The following FARP1 variants were observed in gnomAD, a reference collection of about 807,000 sequenced individuals.
FARP1 encodes the protein FERM, ARHGEF and pleckstrin domain-containing protein 1.
A neutral mutation model predicts 128.8 loss-of-function variants in FARP1; 52 were observed. The observed-to-expected ratio is 0.40, with a 90% CI of 0.32 to 0.51. The LOEUF (loss-of-function observed/expected upper bound fraction) is 0.51, where lower values mean the gene tolerates loss of function less well. Among genes scored for constraint, FARP1 ranks in the 20% least tolerant of loss-of-function variants. FARP1 has a pLI of 0.45. For synonymous variants in FARP1, 580 were observed against 551.8 expected (o/e 1.05, Z -0.72); for missense variants, 1,333 against 1,367.9 (o/e 0.97, Z 0.40).
chr13:98,328,673 C>T (rs1262896851), intron 2 of FARP1: 4 of 152,194 alleles, frequency 2.6e-5, no homozygotes, highest in Admixed American at 6.5e-5. Flanking sequence ...TGACATACCC[C>T]AGTTGCCAGC....
At chr13:98,281,046 A>G (rs1021331982) in intron 2 of FARP1, among the ~76,000 whole-genome samples, 20 of 152,242 alleles carry the variant, frequency 1.3e-4, no homozygotes, top group African/African-American at 2.2e-4. Flanking sequence ...ATATTTATTA[A>G]TAATGGCTAG....
In FARP1 at chr13:98,245,558, A is replaced by G. The variant is rs565106891; in HGVS notation, c.171+32145A>G. Among the ~76,000 whole-genome samples the G allele has an allele frequency of 2.0e-5, 3 of 152,312 alleles. No homozygotes were observed. The South Asian group carries it at 6.2e-4, about 32-fold the overall frequency. ...AAGCCTCCCCCAGTTTTCCTTCCTA[A>G]AGGAAGTGGATGATCAAGCCTGAGC... On this transcript the variant is annotated intron_variant, in intron 2 of 26. Transcript: ENST00000319562.
At chr13:98,215,550 GAC>G (rs1945792255) in intron 2 of FARP1, among the ~76,000 whole-genome samples, 1 of 152,188 alleles carries the variant, frequency 6.6e-6, no homozygotes, top group African/African-American at 2.4e-5. Flanking sequence ...AAAAAGAGGT[GAC>G]ACAAAGTGTT....
chr13:98,439,981 G>A lies in FARP1; in HGVS notation c.2454G>A (p.Glu818=). The A allele has an allele frequency of 1.3e-6, 2 of 1,589,034 alleles. No homozygotes were observed. Among genetic ancestry groups the A allele is most frequent in the Non-Finnish European group, 1.7e-6 (2 of 1,163,814 alleles). Residue 818 remains glutamate, a synonymous_variant, in exon 22 of 27, where the codon GAG becomes GAA. Coordinates refer to ENST00000319562, the MANE Select transcript of FARP1 (RefSeq NM_005766.4). ...YGMTIEESED[E]WGVPHCLTLR... is the part of the protein sequence containing the mutation. Reference sequence around the variant, plus strand: ...CACAGATTGAGGAGAGCGAAGACGAGTGGGGGGTGCCCCACTGCCTGACCC... The same window carrying A: ...CACAGATTGAGGAGAGCGAAGACGAATGGGGGGTGCCCCACTGCCTGACCC...
At chr13:98,317,155 G>T (rs1193433068) in intron 2 of FARP1, among the ~76,000 whole-genome samples, 1 of 152,142 alleles carries the variant, frequency 6.6e-6, no homozygotes, top group African/African-American at 2.4e-5. Flanking sequence ...TTATTAGTTT[G>T]GCCAAAGCTA....
At position 98,385,737 on chromosome 13, in the gene FARP1, C is replaced by T. The variant is rs748761560; in HGVS notation, c.682C>T (p.Arg228Trp). The change falls in exon 8 of 27, where the codon CGG becomes TGG. Residue 228 changes from arginine to tryptophan, a missense_variant. Arg to Trp is a moderately radical substitution (Grantham distance 101). Transcript: ENST00000319562. Reference protein sequence around the residue: ...IARRLEMYGIRLHPAKDREGT... With the variant: ...IARRLEMYGIWLHPAKDREGT... ...CCGTCGGCTAGAGATGTATGGAATCCGGTTGCACCCGGCCAAGGACAGGGA... is the reference window on the plus strand; with the variant it reads ...CCGTCGGCTAGAGATGTATGGAATCTGGTTGCACCCGGCCAAGGACAGGGA... 1.3e-5 allele frequency: 21 copies of T among 1,614,076 alleles called. No individual in the cohort carries two copies. Among genetic ancestry groups the T allele is most frequent in the Non-Finnish European group, 1.6e-5 (19 of 1,180,034 alleles).
intron 2 of FARP1, among the ~76,000 whole-genome samples, chr13:98,313,512 G>A (rs554613636): frequency 6.6e-6 from 1 of 152,312 alleles, no homozygotes; most frequent in South Asian, 2.1e-4. Flanking sequence ...CTAATGCCTT[G>A]ACCTTGGACT....
chr13:98,244,460 G>A (rs780063141), intron 2 of FARP1: 5 of 1,590,364 alleles, frequency 3.1e-6, no homozygotes, highest in Admixed American at 3.6e-5. Flanking sequence ...GCCTTTTCAA[G>A]GGAGTAGCAT....
At chr13:98,182,046 A>C (rs887498399) in intron 1 of FARP1, among the ~76,000 whole-genome samples, 1 of 151,998 alleles carries the variant, frequency 6.6e-6, no homozygotes, top group African/African-American at 2.4e-5. Flanking sequence ...CTTATAAACT[A>C]TGAGTTTGTG....
chr13:98,147,845 T>C (rs1327693887), intron 1 of FARP1, among the ~76,000 whole-genome samples: 5 of 151,660 alleles, frequency 3.3e-5, no homozygotes, highest in Non-Finnish European at 7.4e-5. Flanking sequence ...AAAAAATTTT[T>C]CTTAGAGAGT....
intron 2 of FARP1, among the ~76,000 whole-genome samples, chr13:98,339,282 C>A (rs929954553): frequency 1.3e-5 from 2 of 152,124 alleles, no homozygotes; most frequent in African/African-American, 4.8e-5. Flanking sequence ...GGAGAATAAG[C>A]ACGTTTTACC....
At chr13:98,270,429 A>G (rs1884337050) in intron 2 of FARP1, among the ~76,000 whole-genome samples, 2 of 152,140 alleles carry the variant, frequency 1.3e-5, no homozygotes. Context: ...TCTGGTTTTA[A>G]ATGTGGACAT....
In FARP1 at chr13:98,453,160, T is replaced by A; in HGVS notation, c.*4843T>A. ...AAAAAAGGAAAAACAAAACCCCAAA[T>A]GCCAAAGGAATTTCAGTGGGATGAA... On this transcript the variant is annotated 3_prime_UTR_variant, in exon 27 of 27. Transcript: ENST00000319562. The A allele has an allele frequency of 6.2e-7, 1 of 1,613,572 alleles. No individual in the cohort carries two copies. The highest frequency in any genetic ancestry group is 8.5e-7 in the Non-Finnish European group (1 of 1,179,836).
At chr13:98,271,147 A>T (rs1305800846) in intron 2 of FARP1, among the ~76,000 whole-genome samples, 1 of 152,230 alleles carries the variant, frequency 6.6e-6, no homozygotes, top group East Asian at 1.9e-4. Context: ...TGTTTCCTTC[A>T]TTCATAAACA....
chr13:98,287,001 A>G (rs1163614452), intron 2 of FARP1, among the ~76,000 whole-genome samples: 1 of 152,010 alleles, frequency 6.6e-6, no homozygotes, highest in Non-Finnish European at 1.5e-5. Flanking sequence ...TACTGACCCA[A>G]CCTGTTGCAA....
intron 2 of FARP1, among the ~76,000 whole-genome samples, chr13:98,238,593 C>T (rs1466152061): frequency 3.3e-5 from 5 of 152,110 alleles, no homozygotes; most frequent in Non-Finnish European, 7.4e-5. Flanking sequence ...TGGTGGCAGG[C>T]AAAGAGAGAG....
chr13:98,348,275 A>C (rs1888264012), intron 3 of FARP1, among the ~76,000 whole-genome samples: 1 of 152,190 alleles, frequency 6.6e-6, no homozygotes, highest in African/African-American at 2.4e-5. Flanking sequence ...ACTGTCCCTA[A>C]AGGATCACTC....
intron 2 of FARP1, among the ~76,000 whole-genome samples, chr13:98,225,702 A>G (rs1303553813): frequency 2.0e-5 from 3 of 152,244 alleles, no homozygotes; most frequent in Admixed American, 1.3e-4. Flanking sequence ...CACTGCCAAC[A>G]GCCCTCCGGC....
intron 2 of FARP1, among the ~76,000 whole-genome samples, chr13:98,316,701 A>G (rs1408661796): frequency 1.3e-5 from 2 of 152,218 alleles, no homozygotes; most frequent in East Asian, 3.9e-4. Context: ...AAGCATGTGT[A>G]TAGCTTTACC....
Sources: gnomAD v4.1 joint callset for allele counts (sites outside exome capture counted in the v4.1 genomes callset) on GRCh38, gnomAD v4.1.1 for gene constraint, MANE v1.5 for transcripts, NCBI Gene and HGNC (gene_info 2026-07-23, HGNC 2026-07-21) for gene names.